Variants in RNF38 observed in about 807,000 individuals in gnomAD.
The protein encoded by RNF38 is E3 ubiquitin-protein ligase RNF38.
Under a neutral mutation model 67.2 loss-of-function variants are expected in RNF38, and 15 were observed. That is an observed-to-expected ratio of 0.22 (90% CI 0.15 to 0.34). The LOEUF is 0.34. RNF38 is among the 10% of genes least tolerant of loss of function. RNF38 has a pLI of 1.00. For synonymous variants in RNF38, 220 were observed against 218.8 expected (o/e 1.01, Z -0.05); for missense variants, 524 against 639.9 (o/e 0.82, Z 1.95).
intron 1 of RNF38, among the ~76,000 whole-genome samples, chr9:36,449,750 AAAC>A (rs1184198784): frequency 6.6e-6 from 1 of 152,150 alleles, no homozygotes; most frequent in African/African-American, 2.4e-5. Context: ...CTTATCTCGT[AAAC>A]AACAAACACA....
intron 2 of RNF38, among the ~76,000 whole-genome samples, chr9:36,409,789 G>T (rs1036022164): frequency 6.6e-6 from 1 of 152,124 alleles, no homozygotes; most frequent in Non-Finnish European, 1.5e-5. Flanking sequence ...CCTCCTGCCC[G>T]TGCCACATTC....
At chr9:36,464,033 G>A (rs573142235) in intron 1 of RNF38, among the ~76,000 whole-genome samples, 32 of 152,018 alleles carry the variant, frequency 2.1e-4, no homozygotes, top group African/African-American at 7.5e-4. Context: ...CGGGCGTGGT[G>A]GCAGGCACCT....
At chr9:36,409,860 C>T (rs1838279932) in intron 2 of RNF38, among the ~76,000 whole-genome samples, 1 of 152,134 alleles carries the variant, frequency 6.6e-6, no homozygotes. Flanking sequence ...CTAATTTGTA[C>T]TACAAAACAA....
At chr9:36,433,117 A>G (rs1252925044) in intron 1 of RNF38, among the ~76,000 whole-genome samples, 1 of 151,576 alleles carries the variant, frequency 6.6e-6, no homozygotes, top group Non-Finnish European at 1.5e-5. Flanking sequence ...AATGATAGCT[A>G]CCAGAGGCTG....
intron 1 of RNF38, among the ~76,000 whole-genome samples, chr9:36,440,515 G>C (rs1456932087): frequency 6.7e-6 from 1 of 149,594 alleles, no homozygotes; most frequent in African/African-American, 2.5e-5. Flanking sequence ...TGGGCAACAA[G>C]AGCGAAACTC....
intron 2 of RNF38, among the ~76,000 whole-genome samples, chr9:36,421,928 A>T (rs904401208): frequency 1.3e-5 from 2 of 152,026 alleles, no homozygotes; most frequent in African/African-American, 4.8e-5. Context: ...ACACCTGATG[A>T]TCCTGTTGAA....
intron 4 of RNF38, among the ~76,000 whole-genome samples, chr9:36,361,207 A>G (rs2133640508): frequency 6.6e-6 from 1 of 152,018 alleles, no homozygotes; most frequent in South Asian, 2.1e-4. Context: ...ACTGGAGTGC[A>G]GTGGCGTGAT....
chr9:36,402,051 T>A (rs536699390), upstream of RNF38, among the ~76,000 whole-genome samples: 127 of 152,316 alleles, frequency 8.3e-4, no homozygotes, highest in African/African-American at 2.8e-3. Flanking sequence ...GTCTCCCATA[T>A]CAGACTGAGC....
chr9:36,444,608 TG>T (rs1839260849), intron 1 of RNF38, among the ~76,000 whole-genome samples: 1 of 152,296 alleles, frequency 6.6e-6, no homozygotes, highest in East Asian at 1.9e-4. Context: ...GAGACCAGCC[TG>T]ACCAACATAC....
chr9:36,339,876 C>T, intron 11 of RNF38, 62 bp from the exon 12 acceptor site: 1 of 1,286,358 alleles, frequency 7.8e-7, no homozygotes, highest in East Asian at 2.4e-5. Flanking sequence ...ACATTCAAAG[C>T]AATGGAACTA....
rs1838685916 is a variant in RNF38, at chr9:36,423,667, CGGCCGGGCGCGGTGGCTCACGCCTGTAAT to C, written n.312+917_312+945del. ...CGTACTGATGAGTATTGAAAAGCCCCGGCCGGGCGCGGTGGCTCACGCCTGTAATCCCAGCACTTTGGGAGGCCGAGGCG... is the reference window on the plus strand; with the variant it reads ...CGTACTGATGAGTATTGAAAAGCCCCCCCAGCACTTTGGGAGGCCGAGGCG... On this transcript the variant is annotated intron_variant and non_coding_transcript_variant, in intron 2 of 3. Coordinates refer to the RNF38 transcript ENST00000488058. 3.0e-4 allele frequency among the ~76,000 whole-genome samples: 31 copies of C among 102,560 alleles called. 4 individuals are homozygous for C. The highest frequency in any genetic ancestry group is 6.4e-4 in the South Asian group (2 of 3,148). 67.3% of individuals were successfully genotyped at this position (102,560 alleles called of 152,430 possible).
chr9:36,381,990 CACTCCCCCGTCTCTAA>C (rs2133921509), intron 2 of RNF38, among the ~76,000 whole-genome samples: 1 of 152,372 alleles, frequency 6.6e-6, no homozygotes, highest in African/African-American at 2.4e-5. Flanking sequence ...TTGCTGGCCT[CACTCCCCCGTCTCTAA>C]TTCAGAAAGT....
At chr9:36,428,168 G>A (rs1311136450) in intron 1 of RNF38, among the ~76,000 whole-genome samples, 1 of 151,952 alleles carries the variant, frequency 6.6e-6, no homozygotes, top group African/African-American at 2.4e-5. Context: ...TGTAATCCCA[G>A]CACTTTGGGA....
intron 2 of RNF38, among the ~76,000 whole-genome samples, chr9:36,408,685 G>T (rs1191007741): frequency 6.6e-6 from 1 of 152,116 alleles, no homozygotes; most frequent in Non-Finnish European, 1.5e-5. Flanking sequence ...ATGGGTCAAA[G>T]GACTGGCTGG....
At chr9:36,472,491 G>C (rs1184756011) in intron 1 of RNF38, among the ~76,000 whole-genome samples, 1 of 152,126 alleles carries the variant, frequency 6.6e-6, no homozygotes, top group Non-Finnish European at 1.5e-5. Context: ...GCCCAGAGAA[G>C]ACAAAAGATT....
chr9:36,470,454 T>C (rs1839970676), intron 1 of RNF38, among the ~76,000 whole-genome samples: 1 of 152,146 alleles, frequency 6.6e-6, no homozygotes, highest in Non-Finnish European at 1.5e-5. Context: ...TTACCAATCC[T>C]GTGGGAAAAA....
chr9:36,487,612 G>A, upstream of RNF38: 1 of 978,192 alleles, frequency 1.0e-6, no homozygotes. Context: ...GGCGCGGCAG[G>A]CGCTGGCTGG....
chr9:36,381,583 G>C (rs369902931), intron 2 of RNF38, among the ~76,000 whole-genome samples: 1 of 152,170 alleles, frequency 6.6e-6, no homozygotes, highest in Non-Finnish European at 1.5e-5. Context: ...CCAGTGTATT[G>C]GTTAACAGAC....
chr9:36,392,052 T>C (rs1484464750), intron 1 of RNF38, among the ~76,000 whole-genome samples: 3 of 152,368 alleles, frequency 2.0e-5, no homozygotes, highest in East Asian at 3.9e-4. Flanking sequence ...GTCAGGAAAC[T>C]GCAAAACGTT....
Sources: allele counts gnomAD v4.1 joint callset (sites outside exome capture counted in the v4.1 genomes callset), GRCh38; gene constraint gnomAD v4.1.1; transcripts MANE v1.5; gene names NCBI Gene and HGNC (gene_info 2026-07-23, HGNC 2026-07-21).